Variants in ACKR2 observed in about 807,000 individuals in gnomAD.
ACKR2 encodes atypical chemokine receptor 2.
For missense variants in ACKR2, 457 were observed against 477.3 expected (o/e 0.96, Z 0.40); for synonymous variants, 207 against 192.2 (o/e 1.08, Z -0.64).
intron 2 of ACKR2, chr3:42,841,451 G>A (rs1575384027): frequency 6.6e-6 from 1 of 152,126 alleles, no homozygotes; most frequent in East Asian, 1.9e-4. Flanking sequence ...ACCAGGTATG[G>A]GTCCTTTGGG....
chr3:42,828,118 T>C (rs2125607480), intron 2 of ACKR2, among the ~76,000 whole-genome samples: 1 of 149,870 alleles, frequency 6.7e-6, no homozygotes. Context: ...TTTCTTTTCT[T>C]TTCTTTTCTG....
intron 2 of ACKR2, among the ~76,000 whole-genome samples, chr3:42,842,189 T>C (rs1304873757): frequency 6.6e-6 from 1 of 152,206 alleles, no homozygotes; most frequent in African/African-American, 2.4e-5. Context: ...ATGGTTTTCT[T>C]GTGAAAGGAA....
chr3:42,830,544 G>A (rs947337227), intron 2 of ACKR2, among the ~76,000 whole-genome samples: 2 of 152,150 alleles, frequency 1.3e-5, no homozygotes, highest in African/African-American at 2.4e-5. Flanking sequence ...AAGATATGGA[G>A]CAATAGTGAC....
At chr3:42,857,128 T>C (rs1425212444) in intron 2 of ACKR2, among the ~76,000 whole-genome samples, 1 of 152,064 alleles carries the variant, frequency 6.6e-6, no homozygotes, top group African/African-American at 2.4e-5. Flanking sequence ...ATTTGGTGCC[T>C]CTCATTCCTA....
At chr3:42,863,370 G>T (rs1019625827) in intron 2 of ACKR2, among the ~76,000 whole-genome samples, 6 of 152,194 alleles carry the variant, frequency 3.9e-5, no homozygotes, top group African/African-American at 1.4e-4. Flanking sequence ...ACAGATGCTT[G>T]AGAGGATGTG....
Position 42,834,276 on chromosome 3 carries a change from C to A in ACKR2, c.-38+14565C>A, listed in dbSNP as rs560344092. Reference sequence around the variant, plus strand: ...CCCAGCCACATTATCATTATTATACCGCTATGGTGATCTGTGATCAATGAT... The same window carrying A: ...CCCAGCCACATTATCATTATTATACAGCTATGGTGATCTGTGATCAATGAT... On this transcript the variant is annotated intron_variant, in intron 2 of 2. Transcript: ENST00000422265. Among the ~76,000 whole-genome samples the A allele has an allele frequency of 2.0e-5, 3 of 152,194 alleles. No homozygotes were observed. In the South Asian group the frequency reaches 6.2e-4, roughly 32 times the overall value.
intron 2 of ACKR2, among the ~76,000 whole-genome samples, chr3:42,829,606 G>A (rs573607636): frequency 2.6e-5 from 4 of 152,246 alleles, no homozygotes; most frequent in South Asian, 2.1e-4. Flanking sequence ...CGATAGGGCC[G>A]TGGAGTTGTA....
chr3:42,822,280 TA>T (rs1265087063), intron 2 of ACKR2, among the ~76,000 whole-genome samples: 1 of 152,182 alleles, frequency 6.6e-6, no homozygotes, highest in East Asian at 1.9e-4. Flanking sequence ...TTTCCGTTTT[TA>T]AAAATATATT....
At chr3:42,840,929 A>G (rs1701030997) in intron 2 of ACKR2, among the ~76,000 whole-genome samples, 1 of 152,122 alleles carries the variant, frequency 6.6e-6, no homozygotes, top group South Asian at 2.1e-4. Context: ...ACCTCAGGCA[A>G]TCCGCCCACC....
chr3:42,817,315 A>G (rs1353535250), intron 1 of ACKR2, among the ~76,000 whole-genome samples: 1 of 151,800 alleles, frequency 6.6e-6, no homozygotes, highest in South Asian at 2.1e-4. Flanking sequence ...CTCTAAATCA[A>G]TTCTCTCATT....
At chr3:42,840,681 T>G (rs544607646) in intron 2 of ACKR2, among the ~76,000 whole-genome samples, 1 of 152,174 alleles carries the variant, frequency 6.6e-6, no homozygotes, top group Non-Finnish European at 1.5e-5. Context: ...CTTAACCTTT[T>G]TTTTGTTTTG....
intron 2 of ACKR2, among the ~76,000 whole-genome samples, chr3:42,838,743 C>G (rs961180920): frequency 3.3e-5 from 5 of 152,110 alleles, no homozygotes; most frequent in African/African-American, 1.2e-4. Context: ...ACACAAAGAT[C>G]TGCACGTGAA....
intron 2 of ACKR2, among the ~76,000 whole-genome samples, chr3:42,845,651 C>T (rs1287778577): frequency 6.6e-6 from 1 of 151,878 alleles, no homozygotes; most frequent in Non-Finnish European, 1.5e-5. Context: ...CGTAATAGTG[C>T]CTTAACCCCT....
intron 2 of ACKR2, among the ~76,000 whole-genome samples, chr3:42,845,338 A>C (rs1160062860): frequency 6.6e-6 from 1 of 152,182 alleles, no homozygotes; most frequent in Non-Finnish European, 1.5e-5. Context: ...AAGAAAAGTG[A>C]ATGGTGGGAA....
At chr3:42,813,105 T>C (rs1700712923) in intron 1 of ACKR2, among the ~76,000 whole-genome samples, 1 of 152,216 alleles carries the variant, frequency 6.6e-6, no homozygotes, top group Non-Finnish European at 1.5e-5. Flanking sequence ...AGCTCCATAA[T>C]TTATTTTATT....
intron 2 of ACKR2, among the ~76,000 whole-genome samples, chr3:42,826,509 A>G (rs1298600337): frequency 6.6e-6 from 1 of 152,016 alleles, no homozygotes; most frequent in Non-Finnish European, 1.5e-5. Context: ...AAATTTGTTC[A>G]TATGAATTAT....
chr3:42,856,462 C>T (rs867353045), intron 2 of ACKR2: 11 of 697,146 alleles, frequency 1.6e-5, no homozygotes, highest in African/African-American at 8.8e-5. Flanking sequence ...ACATTTCTTT[C>T]GAAGTCTGCC....
At position 42,866,748 on chromosome 3, in the gene ACKR2, T is replaced by A. The variant is rs919049545; in HGVS notation, c.*1091T>A. ...ATTCTAGAATCAGGCAACAGACTCA[T>A]TGAATCAGGAACAGATTCACTCCAT... On this transcript the variant is annotated 3_prime_UTR_variant, in exon 3 of 3. Coordinates refer to ENST00000422265, the MANE Select transcript of ACKR2 (RefSeq NM_001296.5). 1 of 167,034 alleles carries A rather than the reference T, an allele frequency of 6.0e-6. No homozygotes were observed. The highest frequency in any genetic ancestry group is 6.5e-5 in the Admixed American group (1 of 15,278). The allele number at this position is 167,034 out of a possible 1,614,324, so 10.3% of individuals were successfully genotyped here.
At chr3:42,819,022 G>A (rs1700782368) in intron 1 of ACKR2, among the ~76,000 whole-genome samples, 1 of 152,028 alleles carries the variant, frequency 6.6e-6, no homozygotes, top group African/African-American at 2.4e-5. Context: ...AGGTGGGATG[G>A]TGGGCACAGA....
Sources: gnomAD v4.1 joint callset for allele counts (sites outside exome capture counted in the v4.1 genomes callset) on GRCh38, gnomAD v4.1.1 for gene constraint, MANE v1.5 for transcripts, NCBI Gene and HGNC (gene_info 2026-07-23, HGNC 2026-07-21) for gene names.